PDE12: variants seen among roughly 807,000 people sequenced by gnomAD.
PDE12 encodes the protein phosphodiesterase 12.
Under a neutral mutation model 45.4 loss-of-function variants are expected in PDE12, and 26 were observed. The ratio of observed to expected loss-of-function variants is 0.57; its 90% CI spans 0.42 to 0.79. The LOEUF is 0.79. Among genes scored for constraint, PDE12 ranks in the 30% least tolerant of loss-of-function variants. PDE12 has a pLI of 0.00. For missense variants in PDE12, 668 were observed against 790.0 expected, an observed-to-expected ratio of 0.85 and a Z score of 1.85; for synonymous variants, 283 against 323.9, an observed-to-expected ratio of 0.87 and a Z score of 1.36.
the PDE12 span, among the ~76,000 whole-genome samples, chr3:57,644,020 T>G: frequency 6.7e-6 from 1 of 149,766 alleles, no homozygotes. Context: ...TGTGATAGTG[T>G]GCACCTGTAA....
chr3:57,606,934 G>A, the PDE12 span, among the ~76,000 whole-genome samples: 2 of 152,082 alleles, frequency 1.3e-5, no homozygotes, highest in African/African-American at 4.8e-5. Context: ...ATCTGAGAAC[G>A]GACAGACTGC....
the PDE12 span, among the ~76,000 whole-genome samples, chr3:57,589,508 A>G: frequency 2.6e-5 from 4 of 152,086 alleles, no homozygotes; most frequent in Non-Finnish European, 5.9e-5. Flanking sequence ...TCACGAGGTC[A>G]GCAGTTCGCG....
the PDE12 span, among the ~76,000 whole-genome samples, chr3:57,645,969 C>T: frequency 1.1e-3 from 161 of 152,196 alleles, 3 homozygotes; most frequent in East Asian, 7.5e-3. Context: ...GCAGAAGATG[C>T]GGTGAAATTC....
the PDE12 span, among the ~76,000 whole-genome samples, chr3:57,606,406 A>G: frequency 1.3e-5 from 2 of 152,302 alleles, no homozygotes; most frequent in East Asian, 3.9e-4. Context: ...AAAGAAGGAA[A>G]AATAAAGATG....
chr3:57,618,075 TA>T, the PDE12 span, among the ~76,000 whole-genome samples: 1 of 152,072 alleles, frequency 6.6e-6, no homozygotes, highest in Non-Finnish European at 1.5e-5. Flanking sequence ...AAGTGGGAAC[TA>T]AACACTGGGT....
At chr3:57,633,075 T>C in the PDE12 span, among the ~76,000 whole-genome samples, 1 of 152,190 alleles carries the variant, frequency 6.6e-6, no homozygotes, top group African/African-American at 2.4e-5. Flanking sequence ...AGGGAGTGAC[T>C]TACCAAAGTT....
At chr3:57,601,329 C>T in the PDE12 span, among the ~76,000 whole-genome samples, 16 of 151,926 alleles carry the variant, frequency 1.1e-4, no homozygotes, top group Non-Finnish European at 2.2e-4. Flanking sequence ...AGGCTGGTCT[C>T]GAACTCCTGA....
the PDE12 span, among the ~76,000 whole-genome samples, chr3:57,587,044 C>T: frequency 6.6e-6 from 1 of 152,014 alleles, no homozygotes; most frequent in African/African-American, 2.4e-5. Flanking sequence ...TAAGGCCTGG[C>T]GCTGTGGCTC....
the PDE12 span, among the ~76,000 whole-genome samples, chr3:57,647,379 A>G: frequency 6.6e-6 from 1 of 152,112 alleles, no homozygotes; most frequent in Admixed American, 6.5e-5. Context: ...AAAGCAGAAC[A>G]TGGTAGGTAT....
At chr3:57,572,187 T>C in the PDE12 span, 1 of 1,585,314 alleles carries the variant, frequency 6.3e-7, no homozygotes, top group Admixed American at 1.7e-5. Flanking sequence ...ATCAAACATG[T>C]CCTTGGTTAG....
chr3:57,655,198 C>T, the PDE12 span, among the ~76,000 whole-genome samples: 1 of 152,146 alleles, frequency 6.6e-6, no homozygotes, highest in South Asian at 2.1e-4. Context: ...CCATGCCCAG[C>T]TAGTTTTTGT....
the PDE12 span, chr3:57,584,596 T>C: frequency 4.2e-5 from 32 of 758,466 alleles, no homozygotes; most frequent in Non-Finnish European, 6.8e-5. Flanking sequence ...AGAAATGAAA[T>C]GACCTTATTT....
At chr3:57,586,675 T>C in the PDE12 span, among the ~76,000 whole-genome samples, 1 of 152,160 alleles carries the variant, frequency 6.6e-6, no homozygotes, top group Admixed American at 6.6e-5. Context: ...GTTATACAAG[T>C]GTTTTATTTT....
the PDE12 span, among the ~76,000 whole-genome samples, chr3:57,598,574 G>C: frequency 4.6e-5 from 7 of 152,254 alleles, no homozygotes; most frequent in East Asian, 1.4e-3. Context: ...GAGGTCAGGA[G>C]ATCGAGACCA....
At chr3:57,592,627 A>T in the PDE12 span, among the ~76,000 whole-genome samples, 1 of 152,162 alleles carries the variant, frequency 6.6e-6, no homozygotes, top group Non-Finnish European at 1.5e-5. Flanking sequence ...GTTAATTAGC[A>T]GCAAATTATC....
chr3:57,652,129 C>T, the PDE12 span, among the ~76,000 whole-genome samples: 1 of 152,194 alleles, frequency 6.6e-6, no homozygotes, highest in Non-Finnish European at 1.5e-5. Flanking sequence ...CTAATTCTCC[C>T]GTTCTTGAGC....
At chr3:57,597,394 C>A in the PDE12 span, 1 of 329,664 alleles carries the variant, frequency 3.0e-6, no homozygotes, top group Non-Finnish European at 5.7e-6. Flanking sequence ...TGCCACGTCA[C>A]GCGGCGGCCG....
the PDE12 span, among the ~76,000 whole-genome samples, chr3:57,595,920 C>T: frequency 6.6e-6 from 1 of 151,230 alleles, no homozygotes; most frequent in African/African-American, 2.4e-5. Flanking sequence ...CACTGCACTC[C>T]AGCCTGGGTG....
the PDE12 span, among the ~76,000 whole-genome samples, chr3:57,605,405 G>A: frequency 6.6e-6 from 1 of 152,094 alleles, no homozygotes; most frequent in Non-Finnish European, 1.5e-5. Flanking sequence ...TCCAGGGTTG[G>A]TTGGGAACAA....
Sources: gnomAD v4.1 joint callset for allele counts (sites outside exome capture counted in the v4.1 genomes callset) on GRCh38, gnomAD v4.1.1 for gene constraint, MANE v1.5 for transcripts, NCBI Gene and HGNC (gene_info 2026-07-23, HGNC 2026-07-21) for gene names.